PCDHGB6: variants seen among roughly 807,000 people sequenced by gnomAD.
PCDHGB6 encodes protocadherin gamma-B6.
A neutral mutation model predicts 59.1 loss-of-function variants in PCDHGB6; 51 were observed. The ratio of observed to expected loss-of-function variants is 0.86; its 90% CI spans 0.69 to 1.09. The LOEUF is 1.09. Ranked by LOEUF, PCDHGB6 falls within the 50% of genes least tolerant of loss-of-function variation. PCDHGB6 has a pLI of 0.00. For synonymous variants in PCDHGB6, 466 were observed against 495.1 expected (o/e 0.94, Z 0.78); for missense variants, 1,148 against 1,205.1 (o/e 0.95, Z 0.70).
intron 3 of PCDHGB6, chr5:141,507,166 GTCC>G (rs1475125845): frequency 6.6e-5 from 10 of 152,288 alleles, no homozygotes; most frequent in Non-Finnish European, 1.2e-4. Context: ...ATGAGAGGCT[GTCC>G]TCTTCCTCGA....
chr5:141,471,006 T>A (rs560578929), intron 1 of PCDHGB6, among the ~76,000 whole-genome samples: 57 of 150,804 alleles, frequency 3.8e-4, no homozygotes, highest in African/African-American at 1.3e-3. Context: ...CATGAGCCAC[T>A]GTGCCTGGTC....
In PCDHGB6 at chr5:141,431,048, A is replaced by T; in HGVS notation, c.2418+20428A>T. On this transcript the variant is annotated intron_variant, in intron 1 of 3. Transcript: ENST00000520790. This position sits in a 1 kb window ranked among gnomAD's most constrained non-coding sequence, Gnocchi z 4.8. ...CAGGATAGACCGGGAGGAGCTCTGT[A>T]TGGGGGCCATCAAGTGTCAATTAAA... 6.2e-7 allele frequency: 1 copy of T among 1,614,180 alleles called. No homozygotes were observed. The highest frequency in any genetic ancestry group is 1.1e-5 in the South Asian group (1 of 91,088).
intron 1 of PCDHGB6, chr5:141,428,502 G>T: frequency 7.1e-6 from 2 of 282,686 alleles, no homozygotes; most frequent in Non-Finnish European, 6.9e-6. Flanking sequence ...ATGTTCCCTC[G>T]GATTCTAGAA....
intron 1 of PCDHGB6, among the ~76,000 whole-genome samples, chr5:141,437,741 CT>C (rs35124340): frequency 3.0e-3 from 425 of 141,590 alleles, no homozygotes; most frequent in African/African-American, 3.7e-3. Context: ...TTGAGTTCAC[CT>C]TTTTTTTTTT....
chr5:141,428,381 C>T, intron 1 of PCDHGB6: 1 of 516,406 alleles, frequency 1.9e-6, no homozygotes, highest in Non-Finnish European at 3.6e-6. Context: ...CTGCGATGCT[C>T]TTCCAGCCCC....
rs777168071 is a variant in PCDHGB6 at position 141,477,745 on chromosome 5, C to A, written c.2419-17062C>A. The A allele has an allele frequency of 5.0e-6, 8 of 1,613,682 alleles. No homozygotes were observed. The highest frequency in any genetic ancestry group is 6.8e-6 in the Non-Finnish European group (8 of 1,180,042). On this transcript the variant is annotated intron_variant, in intron 1 of 3. Transcript: ENST00000520790. The surrounding 1 kb of genome is among the most constrained non-coding windows in gnomAD (Gnocchi z 4.9). ...TAACAGCTCATATCAGCGATGGGGG[C>A]ACCCCGGTCCTAGCCACCAACATCA...
rs776189143 is a variant in PCDHGB6, at chr5:141,422,957, A to G, written c.2418+12337A>G. 11 of 1,614,190 alleles carry G rather than the reference A, an allele frequency of 6.8e-6. 1 individual carries two copies. The South Asian group carries it at 7.7e-5, about 11-fold the overall frequency. Reference sequence around the variant, plus strand: ...CCCACAGACGGCTCCACTGGCGTGGAGCTGGCGCCCCGCTCTGCGGAACCT... The same window carrying G: ...CCCACAGACGGCTCCACTGGCGTGGGGCTGGCGCCCCGCTCTGCGGAACCT... On this transcript the variant is annotated intron_variant, in intron 1 of 3. Coordinates refer to ENST00000520790, the MANE Select transcript of PCDHGB6 (RefSeq NM_018926.3).
chr5:141,408,683 G>C lies in PCDHGB6; in HGVS notation c.481G>C (p.Asp161His). 1.2e-6 allele frequency: 2 copies of C among 1,613,906 alleles called. No homozygotes were observed. The highest frequency in any genetic ancestry group is 1.7e-6 in the Non-Finnish European group (2 of 1,179,840). ...ATCGCTTGACCCTGCCACGGATCCT[G>C]ATATAAACATAAACTCAATTAAAGA... ...RLSLDPATDP[D>H]ININSIKDYK... Residue 161 changes from aspartate (D) to histidine (H), a missense_variant, in exon 1 of 4, where the codon GAT (aspartate) becomes CAT (histidine). Transcript: ENST00000520790.
chr5:141,415,304 C>A, intron 1 of PCDHGB6: 1 of 1,614,188 alleles, frequency 6.2e-7, no homozygotes, highest in Non-Finnish European at 8.5e-7. Context: ...GTCTTCCTGG[C>A]CTTCGTCATC....
At chr5:141,428,004 G>C in intron 1 of PCDHGB6, 1 of 1,601,732 alleles carries the variant, frequency 6.2e-7, no homozygotes, top group East Asian at 2.2e-5. Context: ...CGCACTCTTC[G>C]ATATAGTGCC....
At chr5:141,433,362 T>C (rs1285511534) in intron 1 of PCDHGB6, 6 of 299,814 alleles carry the variant, frequency 2.0e-5, no homozygotes, top group Non-Finnish European at 2.5e-5. Flanking sequence ...TGTCTGCCTA[T>C]CTATCTATCT....
chr5:141,494,996 C>A (rs2099758091), intron 2 of PCDHGB6, 131 bp downstream of exon 2: 2 of 1,539,742 alleles, frequency 1.3e-6, no homozygotes, highest in African/African-American at 1.4e-5. Context: ...CCAGGGAGGT[C>A]TTGGTGTGCG....
chr5:141,411,924 C>G lies in PCDHGB6; in HGVS notation c.2418+1304C>G, dbSNP rs116336964. ...TTGCCTTTGCACTCAGTCTCTGTCTCTGATTCTCTGATAGAAGATTTTTGA... is the reference window on the plus strand; with the variant it reads ...TTGCCTTTGCACTCAGTCTCTGTCTGTGATTCTCTGATAGAAGATTTTTGA... On this transcript the variant is annotated intron_variant, in intron 1 of 3. Coordinates refer to ENST00000520790, the MANE Select transcript of PCDHGB6 (RefSeq NM_018926.3). The G allele has an allele frequency of 5.8e-4, 88 of 152,306 alleles. 1 individual carries two copies. Among genetic ancestry groups the G allele is most frequent in the African/African-American group, 2.0e-3 (83 of 41,556 alleles). 9.4% of individuals were successfully genotyped at this position (152,306 alleles called of 1,614,324 possible). A position where few individuals can be genotyped will look rare whatever the true frequency, so the allele number is the denominator to read the frequency against.
chr5:141,445,814 TA>T (rs1554133713), intron 1 of PCDHGB6, among the ~76,000 whole-genome samples: 1 of 152,182 alleles, frequency 6.6e-6, no homozygotes, highest in Non-Finnish European at 1.5e-5. Context: ...TAGATGAAAC[TA>T]ATAAGGCAGG....
At chr5:141,413,922 A>G (rs769177990) in intron 1 of PCDHGB6, 2 of 1,613,458 alleles carry the variant, frequency 1.2e-6, no homozygotes, top group Non-Finnish European at 1.7e-6. Context: ...TCACCTTGCC[A>G]GAATACCGAG....
rs775416808 is a variant in PCDHGB6, at chr5:141,429,727, G to A, written c.2418+19107G>A. ...TAAATATTTACGCTCATGAAAGTAC[G>A]TAGCCAGTTATTTCTTAGGGAGAAT... On this transcript the variant is annotated intron_variant, in intron 1 of 3. Transcript: ENST00000520790. 7.2e-5 allele frequency among the ~76,000 whole-genome samples: 11 copies of A among 152,158 alleles called. 1 individual carries two copies. The highest frequency in any genetic ancestry group is 1.9e-4 in the East Asian group (1 of 5,188).
At chr5:141,452,119 TTCATATATGGC>T (rs1472213897) in intron 1 of PCDHGB6, among the ~76,000 whole-genome samples, 3 of 152,250 alleles carry the variant, frequency 2.0e-5, no homozygotes, top group African/African-American at 7.2e-5. Flanking sequence ...TTCTTATTTA[TTCATATATGGC>T]TCATGTGTTT....
rs758139838 is a variant in PCDHGB6, at chr5:141,431,419, G to C, written c.2418+20799G>C. The C allele has an allele frequency of 1.5e-5, 25 of 1,613,700 alleles. No individual in the cohort carries two copies. The highest frequency in any genetic ancestry group is 2.0e-5 in the Non-Finnish European group (24 of 1,180,046). On this transcript the variant is annotated intron_variant, in intron 1 of 3. Coordinates refer to ENST00000520790, the MANE Select transcript of PCDHGB6 (RefSeq NM_018926.3). This position sits in a 1 kb window ranked among gnomAD's most constrained non-coding sequence, Gnocchi z 4.8. ...TTACGGCCTCCGACGGGGGCGACCC[G>C]GTGCGCACAGGCACCGCGCGCATCC... is the stretch of plus-strand genomic sequence containing the variant.
chr5:141,427,504 C>A (rs755936092), intron 1 of PCDHGB6: 8 of 579,302 alleles, frequency 1.4e-5, no homozygotes, highest in Middle Eastern at 2.7e-4. Context: ...ACAGATGGGA[C>A]CCTGGATTGG....
Sources: gnomAD v4.1 joint callset for allele counts (sites outside exome capture counted in the v4.1 genomes callset) on GRCh38, gnomAD v4.1.1 for gene constraint, Gnocchi (gnomAD v3.1) non-coding constraint, MANE v1.5 for transcripts, NCBI Gene and HGNC (gene_info 2026-07-23, HGNC 2026-07-21) for gene names.